PCDHGA9: variants seen among roughly 807,000 people sequenced by gnomAD.
The protein encoded by PCDHGA9 is protocadherin gamma-A9.
Under a neutral mutation model 62.5 loss-of-function variants are expected in PCDHGA9, and 37 were observed. That is an observed-to-expected ratio of 0.59 (90% CI 0.46 to 0.78). The LOEUF (loss-of-function observed/expected upper bound fraction) is 0.78. Ranked by LOEUF, PCDHGA9 falls within the 30% of genes least tolerant of loss-of-function variation. The probability of loss-of-function intolerance (pLI) is 0.00; values close to 1 mark genes in which losing one functional copy is unlikely to be tolerated. For synonymous variants in PCDHGA9, 459 were observed against 484.6 expected (o/e 0.95, Z 0.69); for missense variants, 1,138 against 1,166.2 (o/e 0.98, Z 0.35).
At chr5:141,423,123 A>C in intron 1 of PCDHGA9, 1 of 1,613,760 alleles carries the variant, frequency 6.2e-7, no homozygotes. Flanking sequence ...CAGCGCGGGC[A>C]CTGCTGGACA....
chr5:141,466,195 C>G (rs1269214888), intron 1 of PCDHGA9, among the ~76,000 whole-genome samples: 1 of 151,748 alleles, frequency 6.6e-6, no homozygotes, highest in Non-Finnish European at 1.5e-5. Flanking sequence ...TTTTCAGACA[C>G]AGCCTTGCTC....
Position 141,434,824 on chromosome 5 carries a change from A to C in PCDHGA9, c.2424+29448A>C, listed in dbSNP as rs143305842. ...CTTGGAGAAATATATCCCTTAGTACACTTGGCATTTATAAAGCAGACATCA... is the reference window on the plus strand; with the variant it reads ...CTTGGAGAAATATATCCCTTAGTACCCTTGGCATTTATAAAGCAGACATCA... On this transcript the variant is annotated intron_variant, in intron 1 of 3. Coordinates refer to ENST00000573521, the MANE Select transcript of PCDHGA9 (RefSeq NM_018921.3). 7.9e-4 allele frequency among the ~76,000 whole-genome samples: 120 copies of C among 152,004 alleles called. 2 individuals are homozygous for C. The highest frequency in any genetic ancestry group is 2.8e-3 in the African/African-American group (115 of 41,454).
rs1561685937 is a variant in PCDHGA9 at position 141,403,112 on chromosome 5, C to T, written c.160C>T (p.Leu54=). The change falls in exon 1 of 4, where the codon CTG becomes TTG. Residue 54 remains leucine, a synonymous_variant. Coordinates refer to ENST00000573521, the MANE Select transcript of PCDHGA9 (RefSeq NM_018921.3). ...GGGCAACATCTCCAAGGACCTGGCT[C>T]TGGAGCCCCGGGAGCTGGCGGAGCG... The part of the protein sequence containing the change: ...IVGNISKDLA[L]EPRELAERRV... 5.6e-6 allele frequency: 9 copies of T among 1,614,074 alleles called. No individual in the cohort carries two copies. In the East Asian group the frequency reaches 2.0e-4, roughly 36 times the overall value.
intron 1 of PCDHGA9, among the ~76,000 whole-genome samples, chr5:141,472,136 A>T (rs1172420221): frequency 1.1e-4 from 17 of 152,262 alleles, no homozygotes; most frequent in Non-Finnish European, 2.5e-4. Flanking sequence ...AGTTAAAAAT[A>T]AAAGTTTCAT....
intron 1 of PCDHGA9, among the ~76,000 whole-genome samples, chr5:141,439,532 C>T (rs1030997598): frequency 6.6e-6 from 1 of 152,202 alleles, no homozygotes; most frequent in Admixed American, 6.5e-5. Context: ...CTACAGAACG[C>T]TGTCCTCTCA....
chr5:141,487,058 C>T lies in PCDHGA9; in HGVS notation c.2425-7749C>T, dbSNP rs775720601. 23 of 1,613,980 alleles carry T rather than the reference C, an allele frequency of 1.4e-5. No individual in the cohort carries two copies. The highest frequency in any genetic ancestry group is 1.0e-4 in the Admixed American group (6 of 59,996). ...AGTCTCTCGATATGCTGGGGAGGTGCGGACGGCTGTTCCTATCCCAGCTGA... is the reference window on the plus strand; with the variant it reads ...AGTCTCTCGATATGCTGGGGAGGTGTGGACGGCTGTTCCTATCCCAGCTGA... On this transcript the variant is annotated intron_variant, in intron 1 of 3. Transcript: ENST00000573521. The surrounding 1 kb of genome is among the most constrained non-coding windows in gnomAD (Gnocchi z 5.0).
At chr5:141,459,945 G>T (rs113794146) in intron 1 of PCDHGA9, among the ~76,000 whole-genome samples, 54 of 152,164 alleles carry the variant, frequency 3.5e-4, no homozygotes, top group Middle Eastern at 3.2e-3. Flanking sequence ...GGGCGTGATG[G>T]CAGGTGCCTG....
Position 141,512,559 on chromosome 5 carries a change from C to T in PCDHGA9, c.*1386C>T, listed in dbSNP as rs1396321304. The T allele has an allele frequency of 6.5e-6, 1 of 152,904 alleles. No individual in the cohort carries two copies. The highest frequency in any genetic ancestry group is 1.5e-5 in the Non-Finnish European group (1 of 68,438). The allele number at this position is 152,904 out of a possible 1,614,324, so 9.5% of individuals were successfully genotyped here. ...CCCCAGTGCCTCCTTGTGCATAGAC[C>T]TTCTTCTCCCACCCCCTTCTGCCCC... On this transcript the variant is annotated 3_prime_UTR_variant, in exon 4 of 4. Coordinates refer to ENST00000573521, the MANE Select transcript of PCDHGA9 (RefSeq NM_018921.3).
At chr5:141,423,967 A>C (rs760284844) in intron 1 of PCDHGA9, 11 of 1,153,498 alleles carry the variant, frequency 9.5e-6, no homozygotes, top group Non-Finnish European at 1.2e-5. Flanking sequence ...TTTTTCTATT[A>C]TCAGTGTATG....
At chr5:141,426,480 C>T (rs1379758117) in intron 1 of PCDHGA9, 4 of 325,590 alleles carry the variant, frequency 1.2e-5, no homozygotes, top group Non-Finnish European at 1.8e-5. Flanking sequence ...TGACCTGAAA[C>T]CTTAGAGTTA....
In PCDHGA9 at chr5:141,404,859, A is replaced by G; in HGVS notation, c.1907A>G (p.Asp636Gly). ...VRTARALLDRDALKQSLVVAV... is the reference protein window; with the variant it reads ...VRTARALLDRGALKQSLVVAV... Reference sequence around the variant, plus strand: ...ACAGCTCGGGCCCTGCTAGATAGAGATGCGCTCAAACAGAGCCTTGTGGTG... The same window carrying G: ...ACAGCTCGGGCCCTGCTAGATAGAGGTGCGCTCAAACAGAGCCTTGTGGTG... The change falls in exon 1 of 4, where the codon GAT (aspartate) becomes GGT (glycine). Residue 636 changes from aspartate to glycine, a missense_variant. By Grantham distance (94) the Asp-to-Gly change is moderately conservative. Coordinates refer to ENST00000573521, the MANE Select transcript of PCDHGA9 (RefSeq NM_018921.3). The G allele has an allele frequency of 6.2e-7, 1 of 1,613,494 alleles. No individual in the cohort carries two copies. The highest frequency in any genetic ancestry group is 1.1e-5 in the South Asian group (1 of 91,046).
intron 1 of PCDHGA9, 171 bp downstream of exon 1, chr5:141,405,547 G>A (rs2094685057): frequency 1.6e-6 from 1 of 629,986 alleles, no homozygotes; most frequent in Non-Finnish European, 2.7e-6. Context: ...AGCCTCCCAA[G>A]TAGAGTAGCT....
At position 141,487,943 on chromosome 5, in the gene PCDHGA9, A is replaced by C. The variant is rs2099669443; in HGVS notation, c.2425-6864A>C. ...TACAGTGCACAGGGTACAGTGCACCAGGCAGTCACTTGGACAAAGGTGGCT... is the reference window on the plus strand; with the variant it reads ...TACAGTGCACAGGGTACAGTGCACCCGGCAGTCACTTGGACAAAGGTGGCT... On this transcript the variant is annotated intron_variant, in intron 1 of 3. Coordinates refer to ENST00000573521, the MANE Select transcript of PCDHGA9 (RefSeq NM_018921.3). The surrounding 1 kb of genome is among the most constrained non-coding windows in gnomAD (Gnocchi z 5.0). Among the ~76,000 whole-genome samples, 1 of 152,220 alleles carries C rather than the reference A, an allele frequency of 6.6e-6. No homozygotes were observed.
intron 1 of PCDHGA9, among the ~76,000 whole-genome samples, chr5:141,471,913 G>A (rs1307168228): frequency 6.6e-6 from 1 of 152,164 alleles, no homozygotes. Context: ...CAAGCATGAG[G>A]GAAATTTTGG....
chr5:141,405,024 T>C lies in PCDHGA9; in HGVS notation c.2072T>C (p.Leu691Pro). The C allele has an allele frequency of 6.2e-7, 1 of 1,613,920 alleles. No homozygotes were observed. The highest frequency in any genetic ancestry group is 8.5e-7 in the Non-Finnish European group (1 of 1,179,846). ...PADLEASDLT[L>P]YLVVAVAVVS... is the part of the protein sequence containing the mutation. ...GACCTGGAGGCCTCAGACCTTACCC[T>C]CTACCTCGTTGTGGCTGTGGCAGTC... The change falls in exon 1 of 4, where the codon CTC becomes CCC. Residue 691 changes from leucine (L) to proline (P), a missense_variant. Transcript: ENST00000573521.
chr5:141,497,512 T>C (rs903352739), intron 2 of PCDHGA9, among the ~76,000 whole-genome samples: 2 of 151,896 alleles, frequency 1.3e-5, no homozygotes, highest in Admixed American at 1.3e-4. Flanking sequence ...TCTGCTTCCT[T>C]AGTTAACTTG....
intron 3 of PCDHGA9, chr5:141,506,988 A>G (rs1364718512): frequency 1.3e-5 from 2 of 152,192 alleles, no homozygotes; most frequent in Non-Finnish European, 2.9e-5. Context: ...CTGATTTCTC[A>G]CACTCGACAG....
intron 1 of PCDHGA9, chr5:141,418,804 T>C (rs368948947): frequency 3.3e-5 from 54 of 1,613,718 alleles, no homozygotes; most frequent in African/African-American, 5.3e-5. Flanking sequence ...TAGAAAGATA[T>C]ACGATAAACA....
intron 1 of PCDHGA9, chr5:141,408,402 G>A: frequency 1.2e-6 from 2 of 1,614,052 alleles, no homozygotes; most frequent in Non-Finnish European, 1.7e-6. Context: ...CGCAAGCTGC[G>A]AGTGAGCGCG....
Sources: allele counts gnomAD v4.1 joint callset (sites outside exome capture counted in the v4.1 genomes callset), GRCh38; gene constraint gnomAD v4.1.1; non-coding constraint Gnocchi (gnomAD v3.1); transcripts MANE v1.5; gene names NCBI Gene and HGNC (gene_info 2026-07-23, HGNC 2026-07-21).